Variants in NCOA6 observed in about 807,000 individuals in gnomAD.
NCOA6 encodes the protein nuclear receptor coactivator 6, also known as NRC RAP250.
NCOA6 carries 49 observed loss-of-function variants against 171.4 expected under a neutral mutation model. The observed-to-expected ratio is 0.29, with a 90% CI of 0.23 to 0.36. The LOEUF (loss-of-function observed/expected upper bound fraction) is 0.36. NCOA6 is among the 10% of genes least tolerant of loss of function. The pLI is 1.00. For synonymous variants in NCOA6, 910 were observed against 927.5 expected (o/e 0.98, Z 0.34); for missense variants, 2,248 against 2,554.5 (o/e 0.88, Z 2.59).
At chr20:34,776,501 A>G in intron 3 of NCOA6, 53 bp from the exon 4 acceptor site, 1 of 1,592,112 alleles carries the variant, frequency 6.3e-7, no homozygotes, top group Non-Finnish European at 8.6e-7. Flanking sequence ...CCACCAGAGG[A>G]GATGGAATTA....
chr20:34,749,904 C>A lies in NCOA6; in HGVS notation c.2291G>T (p.Gly764Val). 1 of 1,614,184 alleles carries A rather than the reference C, an allele frequency of 6.2e-7. No individual in the cohort carries two copies. Among genetic ancestry groups the A allele is most frequent in the East Asian group, 2.2e-5 (1 of 44,880 alleles). ...AGGCCCTTGCTGGGGCAGCATCTGT[C>A]CTGACATCTGTCCCGTAAACTGCAC... ...NMVQFTGQMS[G>V]QMLPQQGPVN... Residue 764 changes from glycine (G) to valine (V), a missense_variant, in exon 9 of 15, where the codon GGA becomes GTA. Physicochemically the swap from Gly to Val is moderately radical, Grantham distance 109. Around this residue, in one of 7 missense-constraint regions of NCOA6, gnomAD observed 987 missense variants for 1,104.7 expected, o/e 0.89. Transcript: ENST00000359003.
intron 5 of NCOA6, among the ~76,000 whole-genome samples, chr20:34,767,306 T>C (rs2077008191): frequency 6.6e-6 from 1 of 152,088 alleles, no homozygotes; most frequent in African/African-American, 2.4e-5. Flanking sequence ...ATTTTTTTTG[T>C]TTTGTTTTGA....
At chr20:34,797,459 A>G (rs928123978) in intron 1 of NCOA6, among the ~76,000 whole-genome samples, 2 of 151,984 alleles carry the variant, frequency 1.3e-5, no homozygotes, top group African/African-American at 4.8e-5. Context: ...GCCCCAAATA[A>G]TCAGCACTGA....
Position 34,741,345 on chromosome 20 carries a change from C to T in NCOA6, c.4911G>A (p.Lys1637=). The T allele has an allele frequency of 6.2e-7, 1 of 1,614,202 alleles. No individual in the cohort carries two copies. Among genetic ancestry groups the T allele is most frequent in the Non-Finnish European group, 8.5e-7 (1 of 1,180,042 alleles). The change falls in exon 11 of 15, where the codon AAG becomes AAA. Residue 1637 remains lysine (K), a synonymous_variant. Transcript: ENST00000359003. ...TVVTMPNAGS[K]VMVSEGQSAA... ...CTGACTGTCCCTCAGAAACCATAAC[C>T]TTGCTACCCGCATTGGGCATTGTGA...
chr20:34,785,060 G>T (rs892886464), intron 2 of NCOA6, among the ~76,000 whole-genome samples: 4 of 151,912 alleles, frequency 2.6e-5, no homozygotes, highest in African/African-American at 9.7e-5. Context: ...CAGCCTAGGG[G>T]ACAAGAGCAA....
At chr20:34,734,618 T>A (rs1363929515) in intron 12 of NCOA6, among the ~76,000 whole-genome samples, 1 of 152,140 alleles carries the variant, frequency 6.6e-6, no homozygotes. Flanking sequence ...AGTGCTGGGG[T>A]TAGAGGCATG....
intron 11 of NCOA6, chr20:34,739,045 T>G (rs2076048573): frequency 3.7e-5 from 16 of 432,720 alleles, no homozygotes; most frequent in South Asian, 2.0e-4. Context: ...CTTCTTCACT[T>G]AAGCCTCACA....
At chr20:34,725,711 A>T (rs1224866317) in intron 14 of NCOA6, among the ~76,000 whole-genome samples, 2 of 152,188 alleles carry the variant, frequency 1.3e-5, no homozygotes, top group East Asian at 3.8e-4. Context: ...AGGGTGAGGG[A>T]GAGAGGTATC....
intron 3 of NCOA6, among the ~76,000 whole-genome samples, chr20:34,778,506 C>T (rs2077411227): frequency 6.6e-6 from 1 of 151,288 alleles, no homozygotes; most frequent in Admixed American, 6.6e-5. Flanking sequence ...TGGCTCGCTG[C>T]AACCTCTGCC....
At chr20:34,801,841 G>A (rs6120733) in intron 1 of NCOA6, among the ~76,000 whole-genome samples, 2,026 of 151,904 alleles carry the variant, frequency 0.013, 38 homozygotes, top group African/African-American at 0.046. Context: ...CTCCAGCCTC[G>A]GCGACAGAGA....
At chr20:34,766,508 G>C (rs1408983344) in intron 5 of NCOA6, among the ~76,000 whole-genome samples, 1 of 152,020 alleles carries the variant, frequency 6.6e-6, no homozygotes, top group Non-Finnish European at 1.5e-5. Flanking sequence ...CACGCCTGTA[G>C]TCCCAGCTAC....
chr20:34,772,902 C>T (rs1347153108), intron 4 of NCOA6, among the ~76,000 whole-genome samples: 4 of 152,166 alleles, frequency 2.6e-5, no homozygotes, highest in African/African-American at 9.7e-5. Context: ...TATTCCAGCT[C>T]CTCTTACCTA....
At chr20:34,800,092 G>A (rs1203348223) in intron 1 of NCOA6, among the ~76,000 whole-genome samples, 1 of 152,016 alleles carries the variant, frequency 6.6e-6, no homozygotes, top group Non-Finnish European at 1.5e-5. Context: ...AAAGTGGGGG[G>A]AACAAAGTTA....
chr20:34,747,905 A>G (rs568590424), intron 9 of NCOA6, among the ~76,000 whole-genome samples: 52 of 152,340 alleles, frequency 3.4e-4, no homozygotes, highest in Non-Finnish European at 6.8e-4. Flanking sequence ...GAAATCTCAG[A>G]TATCTGGTCC....
At position 34,759,025 on chromosome 20, in the gene NCOA6, ATTTGT is replaced by A. The variant is rs1457017741; in HGVS notation, c.515-97_515-93del. ...TCAAGAATATGAAAAGATATGGAAA[ATTTGT>A]TTTTTTTTTTTTGACAGGGTCTCGC... is the stretch of plus-strand genomic sequence containing the variant. On this transcript the variant is annotated intron_variant, in intron 5 of 14. Coordinates refer to ENST00000359003, the MANE Select transcript of NCOA6 (RefSeq NM_014071.5). 176 of 1,388,568 alleles carry A rather than the reference ATTTGT, an allele frequency of 1.3e-4. No homozygotes were observed. In the African/African-American group the frequency reaches 2.6e-3, roughly 20 times the overall value. 86.0% of individuals were successfully genotyped at this position (1,388,568 alleles called of 1,614,324 possible). A position where few individuals can be genotyped will look rare whatever the true frequency, so the allele number is the denominator to read the frequency against.
In NCOA6 at chr20:34,741,295, T is replaced by C. The variant is rs1600807081; in HGVS notation, c.4961A>G (p.Gln1654Arg). The C allele has an allele frequency of 6.2e-6, 10 of 1,614,134 alleles. No individual in the cohort carries two copies. Among genetic ancestry groups the C allele is most frequent in the Non-Finnish European group, 8.5e-6 (10 of 1,180,058 alleles). Residue 1654 changes from glutamine to arginine, a missense_variant, in exon 11 of 15, where the codon CAG becomes CGG. By Grantham distance (43) the Gln-to-Arg change is conservative. Coordinates refer to ENST00000359003, the MANE Select transcript of NCOA6 (RefSeq NM_014071.5). ...QSAAQSNARP[Q>R]FITPVFINSS... Reference sequence around the variant, plus strand: ...ATTGATAAAGACAGGTGTAATGAACTGAGGCCGGGCATTAGACTGAGCAGC... The same window carrying C: ...ATTGATAAAGACAGGTGTAATGAACCGAGGCCGGGCATTAGACTGAGCAGC...
intron 1 of NCOA6, among the ~76,000 whole-genome samples, chr20:34,806,595 A>G (rs1185963703): frequency 6.6e-6 from 1 of 152,164 alleles, no homozygotes; most frequent in African/African-American, 2.4e-5. Context: ...GGTGAGAGAT[A>G]GGGGTCTAGT....
At chr20:34,764,610 G>T (rs997487807) in intron 5 of NCOA6, among the ~76,000 whole-genome samples, 4 of 151,914 alleles carry the variant, frequency 2.6e-5, no homozygotes, top group Non-Finnish European at 5.9e-5. Flanking sequence ...GCTTGAACTT[G>T]GGAGGCAGAG....
intron 11 of NCOA6, among the ~76,000 whole-genome samples, chr20:34,737,714 G>GATA (rs1160235351): frequency 3.9e-5 from 6 of 152,184 alleles, no homozygotes; most frequent in Admixed American, 3.9e-4. Context: ...TAAAATCCTA[G>GATA]ATAAACTCTG....
Sources: allele counts gnomAD v4.1 joint callset (sites outside exome capture counted in the v4.1 genomes callset), GRCh38; gene constraint gnomAD v4.1.1; regional missense constraint gnomAD v4.1.1; transcripts MANE v1.5; gene names NCBI Gene and HGNC (gene_info 2026-07-23, HGNC 2026-07-21).